DTNB: variants seen among roughly 807,000 people sequenced by gnomAD.
DTNB encodes DTN-B.
Under a neutral mutation model 90.7 loss-of-function variants are expected in DTNB, and 63 were observed. The ratio of observed to expected loss-of-function variants is 0.69; its 90% CI spans 0.57 to 0.86. The LOEUF (loss-of-function observed/expected upper bound fraction) is 0.86, where lower values mean the gene tolerates loss of function less well. DTNB is among the 40% of genes least tolerant of loss of function. The pLI, the probability that DTNB is intolerant of heterozygous loss-of-function variation, is 0.00. For missense variants in DTNB, 744 were observed against 807.1 expected (o/e 0.92, Z 0.95); for synonymous variants, 277 against 286.7 (o/e 0.97, Z 0.34).
At chr2:25,630,908 C>G (rs897909997) in intron 3 of DTNB, among the ~76,000 whole-genome samples, 2 of 149,006 alleles carry the variant, frequency 1.3e-5, no homozygotes, top group Non-Finnish European at 3.0e-5. Context: ...TGGATAAACC[C>G]TTAAAACATT....
At chr2:25,428,865 A>C (rs2052833124) in intron 14 of DTNB, among the ~76,000 whole-genome samples, 1 of 152,194 alleles carries the variant, frequency 6.6e-6, no homozygotes, top group Non-Finnish European at 1.5e-5. Flanking sequence ...CTCTTCTAAA[A>C]GGGGACTAGT....
chr2:25,563,179 T>G (rs917506837), intron 8 of DTNB, among the ~76,000 whole-genome samples: 13 of 152,240 alleles, frequency 8.5e-5, no homozygotes, highest in African/African-American at 3.1e-4. Context: ...TTGCCATAAC[T>G]TTTTCATCGT....
intron 9 of DTNB, among the ~76,000 whole-genome samples, chr2:25,487,940 A>G (rs1451306702): frequency 2.0e-5 from 3 of 152,152 alleles, no homozygotes; most frequent in African/African-American, 4.8e-5. Context: ...ACAAACACCA[A>G]TGTGACCATC....
chr2:25,550,143 G>A (rs1253158446), intron 8 of DTNB, among the ~76,000 whole-genome samples: 1 of 152,012 alleles, frequency 6.6e-6, no homozygotes, highest in Non-Finnish European at 1.5e-5. Context: ...TGTAATCCCA[G>A]CACTTTGGGA....
intron 18 of DTNB, among the ~76,000 whole-genome samples, chr2:25,385,444 G>C (rs1284726852): frequency 6.6e-6 from 1 of 152,174 alleles, no homozygotes; most frequent in Non-Finnish European, 1.5e-5. Flanking sequence ...ATGTTAGAGG[G>C]ATACCGTGCC....
rs371761733 is a variant in DTNB, at chr2:25,451,533, C to A, written c.1257+15G>T. 3.1e-6 allele frequency: 5 copies of A among 1,598,624 alleles called. No individual in the cohort carries two copies. The highest frequency in any genetic ancestry group is 3.4e-6 in the Non-Finnish European group (4 of 1,172,378). ...CTAATTTCTGCTACTCTCCTGGGAT[C>A]CTCCATTAACTTACCACGTTTCCTG... On this transcript the variant is annotated intron_variant, in intron 12 of 20. Coordinates refer to ENST00000406818, the MANE Select transcript of DTNB (RefSeq NM_021907.5).
intron 16 of DTNB, among the ~76,000 whole-genome samples, chr2:25,400,518 C>T (rs977846330): frequency 3.3e-5 from 5 of 152,228 alleles, no homozygotes; most frequent in African/African-American, 9.6e-5. Flanking sequence ...ACCTGAGAAA[C>T]ACCTAGAAAT....
chr2:25,527,513 C>CT (rs1221268188), intron 9 of DTNB, among the ~76,000 whole-genome samples: 3 of 151,118 alleles, frequency 2.0e-5, no homozygotes, highest in African/African-American at 7.3e-5. Context: ...GACTGAGACT[C>CT]TGTCTCAAAA....
chr2:25,558,207 T>A, intron 8 of DTNB: 1 of 985,328 alleles, frequency 1.0e-6, no homozygotes, highest in Non-Finnish European at 1.2e-6. Context: ...ATGGATTAAA[T>A]TTATTTAGAG....
intron 1 of DTNB, among the ~76,000 whole-genome samples, chr2:25,666,449 C>T (rs1480477089): frequency 6.6e-6 from 1 of 151,426 alleles, no homozygotes; most frequent in African/African-American, 2.4e-5. Flanking sequence ...AACATTACCA[C>T]TCAGGAAAAA....
chr2:25,612,260 T>C (rs971578607), intron 4 of DTNB, among the ~76,000 whole-genome samples: 4 of 152,032 alleles, frequency 2.6e-5, no homozygotes, highest in African/African-American at 9.7e-5. Flanking sequence ...AAGCAAGGTA[T>C]AGAACAAAAT....
intron 10 of DTNB, among the ~76,000 whole-genome samples, chr2:25,476,430 A>G (rs1221198360): frequency 6.6e-6 from 1 of 152,250 alleles, no homozygotes; most frequent in African/African-American, 2.4e-5. Context: ...TAGCTGCCAT[A>G]GATAGAGTGG....
chr2:25,595,017 T>C (rs992875881), intron 6 of DTNB: 9 of 152,230 alleles, frequency 5.9e-5, no homozygotes, highest in African/African-American at 2.2e-4. Flanking sequence ...CCTAGAACAT[T>C]TCATCTTTTT....
intron 19 of DTNB, among the ~76,000 whole-genome samples, chr2:25,382,682 C>T (rs758113414): frequency 3.3e-5 from 5 of 151,920 alleles, no homozygotes; most frequent in Non-Finnish European, 5.9e-5. Flanking sequence ...GCATGCACCA[C>T]CACACCTGGC....
chr2:25,619,807 C>T (rs572368668), intron 4 of DTNB, among the ~76,000 whole-genome samples: 4 of 151,960 alleles, frequency 2.6e-5, no homozygotes, highest in Non-Finnish European at 5.9e-5. Flanking sequence ...TTTGAGAGGC[C>T]GAGGTGGGCA....
chr2:25,609,853 C>T (rs1483120583), intron 4 of DTNB, among the ~76,000 whole-genome samples: 2 of 151,654 alleles, frequency 1.3e-5, no homozygotes, highest in Non-Finnish European at 2.9e-5. Context: ...CAAAACAAAT[C>T]AACTTTATAA....
At position 25,652,587 on chromosome 2, in the gene DTNB, G is replaced by A. The variant is rs760733080; in HGVS notation, c.67+7C>T. Reference sequence around the variant, plus strand: ...CCCGCACATATGAACAAGGACTCAAGACTCACGCATTTCTATGAACAGCTG... The same window carrying A: ...CCCGCACATATGAACAAGGACTCAAAACTCACGCATTTCTATGAACAGCTG... On this transcript the variant is annotated splice_region_variant and intron_variant, in intron 2 of 20. Coordinates refer to ENST00000406818, the MANE Select transcript of DTNB (RefSeq NM_021907.5). 5 of 1,596,836 alleles carry A rather than the reference G, an allele frequency of 3.1e-6. No individual in the cohort carries two copies. In the South Asian group the frequency reaches 5.6e-5, roughly 18 times the overall value.
intron 15 of DTNB, among the ~76,000 whole-genome samples, chr2:25,423,500 G>A (rs1218388949): frequency 2.0e-5 from 3 of 152,132 alleles, no homozygotes; most frequent in East Asian, 3.9e-4. Flanking sequence ...AACTCTCTGT[G>A]GCATGAAAAT....
intron 10 of DTNB, chr2:25,481,470 A>T (rs1241682159): frequency 6.6e-6 from 1 of 151,962 alleles, no homozygotes; most frequent in Non-Finnish European, 1.5e-5. Flanking sequence ...GCCAGATTCC[A>T]ACTCAGAAAG....
Sources: allele counts gnomAD v4.1 joint callset (sites outside exome capture counted in the v4.1 genomes callset), GRCh38; gene constraint gnomAD v4.1.1; transcripts MANE v1.5; gene names NCBI Gene and HGNC (gene_info 2026-07-23, HGNC 2026-07-21).